The following BCAS3 variants were observed in gnomAD, a reference collection of about 807,000 sequenced individuals.
BCAS3 encodes BCAS4/BCAS3 fusion.
BCAS3 carries 53 observed loss-of-function variants against 116.1 expected under a neutral mutation model. The ratio of observed to expected loss-of-function variants is 0.46; its 90% CI spans 0.37 to 0.57. BCAS3 has a LOEUF of 0.57. BCAS3 is among the 20% of genes least tolerant of loss of function. The probability of loss-of-function intolerance (pLI) is 0.00; values close to 1 mark genes in which losing one functional copy is unlikely to be tolerated. For missense variants in BCAS3, 917 were observed against 1,165.4 expected, an observed-to-expected ratio of 0.79 and a Z score of 3.10; for synonymous variants, 391 against 408.2, an observed-to-expected ratio of 0.96 and a Z score of 0.51.
Position 61,106,584 on chromosome 17 carries a change from T to A in BCAS3, c.2425+22020T>A, listed in dbSNP as rs1011408907. Among the ~76,000 whole-genome samples, 1 of 152,170 alleles carries A rather than the reference T, an allele frequency of 6.6e-6. No homozygotes were observed. The stretch of plus-strand genomic sequence containing the variant: ...TCTTTGTTGTTAAGCAATGCGTGGG[T>A]GTATAGTGTTGGTACTGTCCATGGT... On this transcript the variant is annotated intron_variant, in intron 22 of 23. Transcript: ENST00000407086. The surrounding 1 kb of genome is among the most constrained non-coding windows in gnomAD (Gnocchi z 4.2).
At chr17:60,718,815 A>C (rs912404459) in intron 5 of BCAS3, among the ~76,000 whole-genome samples, 4 of 152,188 alleles carry the variant, frequency 2.6e-5, no homozygotes, top group African/African-American at 9.6e-5. Context: ...TAATCTCAGC[A>C]CTTTGGGAGG....
rs906952347 is a variant in BCAS3, at chr17:60,880,963, T to G, written c.661+6225T>G. Among the ~76,000 whole-genome samples, 9 of 151,988 alleles carry G rather than the reference T, an allele frequency of 5.9e-5. No individual in the cohort carries two copies. In the East Asian group the frequency reaches 1.5e-3, roughly 26 times the overall value. ...TTTTCACTTTCTTCTTTTTTTTGTT[T>G]TGTTTTGTTTTGTTTGTTTGTTTGT... On this transcript the variant is annotated intron_variant, in intron 9 of 23. Transcript: ENST00000407086.
At chr17:60,989,354 GT>G (rs1171057700) in intron 14 of BCAS3, among the ~76,000 whole-genome samples, 1 of 152,090 alleles carries the variant, frequency 6.6e-6, no homozygotes, top group African/African-American at 2.4e-5. Context: ...GATAAAGGTA[GT>G]AAATTCAATT....
At chr17:61,358,163 CA>C (rs1174208976) in intron 22 of BCAS3, among the ~76,000 whole-genome samples, 1 of 152,068 alleles carries the variant, frequency 6.6e-6, no homozygotes, top group Non-Finnish European at 1.5e-5. Context: ...CCTGACTACC[CA>C]GAGACAGCGT....
intron 22 of BCAS3, among the ~76,000 whole-genome samples, chr17:61,274,812 A>C (rs925900864): frequency 2.0e-5 from 3 of 152,140 alleles, no homozygotes; most frequent in African/African-American, 2.4e-5. Context: ...GACTGTTTCT[A>C]TTGCTAGGAA....
intron 22 of BCAS3, among the ~76,000 whole-genome samples, chr17:61,318,497 C>A (rs1425928077): frequency 6.6e-6 from 1 of 152,164 alleles, no homozygotes; most frequent in Non-Finnish European, 1.5e-5. Context: ...CTTCCCCCTC[C>A]CCCTAATTGA....
rs1010021316 is a variant in BCAS3 at position 61,198,995 on chromosome 17, A to G, written c.2425+114431A>G. Among the ~76,000 whole-genome samples, 1 of 152,226 alleles carries G rather than the reference A, an allele frequency of 6.6e-6. No homozygotes were observed. Among genetic ancestry groups the G allele is most frequent in the African/African-American group, 2.4e-5 (1 of 41,444 alleles). Reference sequence around the variant, plus strand: ...TCCAAAACTTTTAATATATCTTACCATACTCTGATTACTAGAAATATATAA... The same window carrying G: ...TCCAAAACTTTTAATATATCTTACCGTACTCTGATTACTAGAAATATATAA... On this transcript the variant is annotated intron_variant, in intron 22 of 23. Coordinates refer to ENST00000407086, the MANE Select transcript of BCAS3 (RefSeq NM_017679.5). The surrounding 1 kb of genome is among the most constrained non-coding windows in gnomAD (Gnocchi z 5.0).
chr17:60,914,195 A>C (rs1196062161), intron 12 of BCAS3, among the ~76,000 whole-genome samples: 1 of 152,196 alleles, frequency 6.6e-6, no homozygotes, highest in Admixed American at 6.5e-5. Context: ...CTACTGTGAT[A>C]AGTGGTGAGT....
At chr17:60,844,479 G>A (rs1245562207) in intron 7 of BCAS3, among the ~76,000 whole-genome samples, 1 of 152,072 alleles carries the variant, frequency 6.6e-6, no homozygotes, top group African/African-American at 2.4e-5. Flanking sequence ...TGTCTTCCCA[G>A]TATAGTTGTA....
rs543606317 is a variant in BCAS3, at chr17:61,161,399, C to T, written c.2425+76835C>T. Among the ~76,000 whole-genome samples, 4 of 152,266 alleles carry T rather than the reference C, an allele frequency of 2.6e-5. No individual in the cohort carries two copies. Among genetic ancestry groups the T allele is most frequent in the Non-Finnish European group, 5.9e-5 (4 of 68,012 alleles). On this transcript the variant is annotated intron_variant, in intron 22 of 23. Transcript: ENST00000407086. The surrounding 1 kb of genome is among the most constrained non-coding windows in gnomAD (Gnocchi z 4.8). Reference sequence around the variant, plus strand: ...GATGGATTTTGATCATGTTACAAGGCCCACTTGTTGCATTTAATTTAAAGC... The same window carrying T: ...GATGGATTTTGATCATGTTACAAGGTCCACTTGTTGCATTTAATTTAAAGC...
intron 22 of BCAS3, among the ~76,000 whole-genome samples, chr17:61,177,976 T>C (rs550388831): frequency 1.2e-4 from 18 of 152,306 alleles, no homozygotes; most frequent in Non-Finnish European, 2.5e-4. Context: ...ACTAAATGGG[T>C]AATCTTTTGT....
intron 12 of BCAS3, among the ~76,000 whole-genome samples, chr17:60,918,141 A>C (rs187956914): frequency 3.3e-5 from 5 of 152,156 alleles, no homozygotes; most frequent in African/African-American, 1.2e-4. Context: ...TTACCCCAAC[A>C]CTAGTTATTT....
chr17:61,314,173 C>A (rs764267700), intron 22 of BCAS3, among the ~76,000 whole-genome samples: 3 of 152,208 alleles, frequency 2.0e-5, no homozygotes, highest in Non-Finnish European at 4.4e-5. Flanking sequence ...CAGTTCGTGG[C>A]AGGGAGGAGA....
At chr17:60,976,849 A>G (rs1339949791) in intron 14 of BCAS3, among the ~76,000 whole-genome samples, 1 of 152,196 alleles carries the variant, frequency 6.6e-6, no homozygotes, top group Non-Finnish European at 1.5e-5. Context: ...TTCTACACAG[A>G]CACAGTAACA....
intron 6 of BCAS3, among the ~76,000 whole-genome samples, chr17:60,785,621 C>T (rs553437528): frequency 6.6e-6 from 1 of 152,090 alleles, no homozygotes; most frequent in South Asian, 2.1e-4. Flanking sequence ...TATTATGAAG[C>T]GATTAAATAC....
intron 10 of BCAS3, among the ~76,000 whole-genome samples, chr17:60,898,404 G>C (rs1008471017): frequency 6.6e-6 from 1 of 152,074 alleles, no homozygotes; most frequent in African/African-American, 2.4e-5. Flanking sequence ...TGGTTGGATA[G>C]GACACTTTGG....
Position 61,361,515 on chromosome 17 carries a change from G to A in BCAS3, c.2426-6812G>A, listed in dbSNP as rs546769416. ...ATCTATCTCACTGTGGGAGAACGCT[G>A]GCTCATATAATTGGCCATCAGATGT... On this transcript the variant is annotated intron_variant, in intron 22 of 23. Coordinates refer to ENST00000407086, the MANE Select transcript of BCAS3 (RefSeq NM_017679.5). This position sits in a 1 kb window ranked among gnomAD's most constrained non-coding sequence, Gnocchi z 6.5. 1.3e-5 allele frequency among the ~76,000 whole-genome samples: 2 copies of A among 152,038 alleles called. No homozygotes were observed. Among genetic ancestry groups the A allele is most frequent in the African/African-American group, 4.8e-5 (2 of 41,484 alleles).
rs548643020 is a variant in BCAS3 at position 60,699,300 on chromosome 17, C to T, written c.214+9539C>T. ...CACAATCTTGACTCACTGCAACATCCGCCTCCTGGGTTCAAGCAGTCCTCT... is the reference window on the plus strand; with the variant it reads ...CACAATCTTGACTCACTGCAACATCTGCCTCCTGGGTTCAAGCAGTCCTCT... On this transcript the variant is annotated intron_variant, in intron 4 of 23. Coordinates refer to ENST00000407086, the MANE Select transcript of BCAS3 (RefSeq NM_017679.5). Among the ~76,000 whole-genome samples, 60 of 152,172 alleles carry T rather than the reference C, an allele frequency of 3.9e-4. 1 individual carries two copies. Among genetic ancestry groups the T allele is most frequent in the African/African-American group, 1.1e-3 (47 of 41,522 alleles).
chr17:61,354,738 G>A lies in BCAS3; in HGVS notation c.2426-13589G>A, dbSNP rs1568925861. The A allele has an allele frequency of 6.6e-6, 1 of 152,234 alleles. No homozygotes were observed. The highest frequency in any genetic ancestry group is 1.5e-5 in the Non-Finnish European group (1 of 68,038). The allele number at this position is 152,234 out of a possible 1,614,324, so 9.4% of individuals were successfully genotyped here. ...AGAGCTCTTGGGTTTAGGTGGTTGAGAGAGGTGGAAGGTTGACCACACACT... is the reference window on the plus strand; with the variant it reads ...AGAGCTCTTGGGTTTAGGTGGTTGAAAGAGGTGGAAGGTTGACCACACACT... On this transcript the variant is annotated intron_variant, in intron 22 of 23. Transcript: ENST00000407086. The surrounding 1 kb of genome is among the most constrained non-coding windows in gnomAD (Gnocchi z 4.5).
Sources: allele counts gnomAD v4.1 joint callset (sites outside exome capture counted in the v4.1 genomes callset), GRCh38; gene constraint gnomAD v4.1.1; non-coding constraint Gnocchi (gnomAD v3.1); transcripts MANE v1.5; gene names NCBI Gene and HGNC (gene_info 2026-07-23, HGNC 2026-07-21).